Variants in PRKG1 observed in about 807,000 individuals in gnomAD.
The protein encoded by PRKG1 is cGMP-dependent protein kinase 1.
Under a neutral mutation model 88.1 loss-of-function variants are expected in PRKG1, and 35 were observed. The observed-to-expected ratio is 0.40, with a 90% CI of 0.30 to 0.53. The LOEUF (loss-of-function observed/expected upper bound fraction) is 0.53. Among genes scored for constraint, PRKG1 ranks in the 20% least tolerant of loss-of-function variants. The pLI, the probability that PRKG1 is intolerant of heterozygous loss-of-function variation, is 0.59. For missense variants in PRKG1, 540 were observed against 839.8 expected (o/e 0.64, Z 4.41); for synonymous variants, 303 against 292.5 (o/e 1.04, Z -0.37).
intron 2 of PRKG1, among the ~76,000 whole-genome samples, chr10:51,458,024 A>AT (rs1030070407): frequency 6.6e-6 from 1 of 152,052 alleles, no homozygotes; most frequent in South Asian, 2.1e-4. Context: ...GATGTTTAGT[A>AT]TTTTTTGCAG....
intron 8 of PRKG1, among the ~76,000 whole-genome samples, chr10:52,157,125 TA>T (rs1247552755): frequency 6.6e-6 from 1 of 150,958 alleles, no homozygotes; most frequent in East Asian, 1.9e-4. Context: ...ATTCTATTTT[TA>T]AAATGTTTAT....
At chr10:52,230,099 T>G (rs1589717726) in intron 9 of PRKG1, among the ~76,000 whole-genome samples, 2 of 152,234 alleles carry the variant, frequency 1.3e-5, no homozygotes, top group African/African-American at 4.8e-5. Context: ...AAACACCAAT[T>G]AGAACATTTC....
Position 51,054,596 on chromosome 10 carries a change from G to A in PRKG1, c.266+62952G>A, listed in dbSNP as rs1589125440. Among the ~76,000 whole-genome samples the A allele has an allele frequency of 3.3e-5, 5 of 152,254 alleles. No individual in the cohort carries two copies. The South Asian group carries it at 1.0e-3, about 32-fold the overall frequency. ...CCTTAGGGGGGTCAAATCCTGAGAAGAAAATGGTGTGACAGATTACCAAAG... is the reference window on the plus strand; with the variant it reads ...CCTTAGGGGGGTCAAATCCTGAGAAAAAAATGGTGTGACAGATTACCAAAG... On this transcript the variant is annotated intron_variant, in intron 1 of 17. Coordinates refer to the PRKG1 transcript ENST00000401604.
rs573763280 is a variant in PRKG1 at position 52,290,779 on chromosome 10, C to G, written c.1962+489C>G. Among the ~76,000 whole-genome samples, 3 of 152,106 alleles carry G rather than the reference C, an allele frequency of 2.0e-5. No homozygotes were observed. In the South Asian group the frequency reaches 6.2e-4, roughly 32 times the overall value. On this transcript the variant is annotated intron_variant, in intron 17 of 17. Coordinates refer to ENST00000373980, the MANE Select transcript of PRKG1 (RefSeq NM_006258.4). ...TCTGGAGCAGGAGGATCACTTGAGC[C>G]CAGGAATTTGAGCTTACAGTGAGCT...
chr10:51,169,012 C>T (rs764465684), intron 2 of PRKG1, among the ~76,000 whole-genome samples: 4 of 152,052 alleles, frequency 2.6e-5, no homozygotes, highest in Non-Finnish European at 4.4e-5. Context: ...GAGTTAGCGT[C>T]GCAGAACATT....
At chr10:51,947,245 G>T (rs188550683) in intron 5 of PRKG1, among the ~76,000 whole-genome samples, 1 of 151,432 alleles carries the variant, frequency 6.6e-6, no homozygotes, top group South Asian at 2.1e-4. Flanking sequence ...GCGAGACTCC[G>T]TGGGCGTAGG....
chr10:51,704,812 T>C (rs1351210945), intron 3 of PRKG1, among the ~76,000 whole-genome samples: 2 of 152,206 alleles, frequency 1.3e-5, no homozygotes, highest in African/African-American at 2.4e-5. Flanking sequence ...TTCATGAATG[T>C]GAACTTGATG....
chr10:51,506,463 A>G (rs2132051675), intron 3 of PRKG1, among the ~76,000 whole-genome samples: 1 of 151,906 alleles, frequency 6.6e-6, no homozygotes, highest in Middle Eastern at 3.4e-3. Context: ...TTACAAGAAG[A>G]AAACAACCCC....
At chr10:52,173,105 T>C (rs1838755249) in intron 9 of PRKG1, among the ~76,000 whole-genome samples, 1 of 152,240 alleles carries the variant, frequency 6.6e-6, no homozygotes, top group Non-Finnish European at 1.5e-5. Context: ...TCTCTCACTG[T>C]CAACAGAAAA....
chr10:51,323,934 A>C (rs775016186), intron 2 of PRKG1, among the ~76,000 whole-genome samples: 6 of 152,226 alleles, frequency 3.9e-5, no homozygotes, highest in Non-Finnish European at 8.8e-5. Context: ...TCTGGGTGAC[A>C]AAGCAAGTCC....
chr10:51,364,960 AG>A (rs1842559261), intron 2 of PRKG1, among the ~76,000 whole-genome samples: 1 of 151,978 alleles, frequency 6.6e-6, no homozygotes, highest in Non-Finnish European at 1.5e-5. Flanking sequence ...CCATTTACTG[AG>A]TGCCTACTTT....
chr10:51,160,255 C>T (rs962094000), intron 2 of PRKG1, among the ~76,000 whole-genome samples: 6 of 152,218 alleles, frequency 3.9e-5, no homozygotes, highest in Non-Finnish European at 8.8e-5. Flanking sequence ...TAATTTTGCA[C>T]GTATTCTTCT....
At chr10:52,258,700 G>T (rs1841363971) in intron 10 of PRKG1, among the ~76,000 whole-genome samples, 1 of 152,024 alleles carries the variant, frequency 6.6e-6, no homozygotes, top group Non-Finnish European at 1.5e-5. Context: ...CATGATTCCT[G>T]CCCTCAAGGA....
intron 2 of PRKG1, among the ~76,000 whole-genome samples, chr10:51,163,156 A>G (rs898403669): frequency 6.6e-6 from 1 of 152,150 alleles, no homozygotes; most frequent in Non-Finnish European, 1.5e-5. Flanking sequence ...CAGGAGTGAA[A>G]CTCTGTCTCA....
rs555400470 is a variant in PRKG1, at chr10:51,568,950, G to A, written c.592+101114G>A. ...GAGGATAGGGAGGTAGTGATGCTGG[G>A]TGTGGGCCGAGTAGACTAGATTATT... On this transcript the variant is annotated intron_variant, in intron 3 of 17. Coordinates refer to ENST00000373980, the MANE Select transcript of PRKG1 (RefSeq NM_006258.4). Among the ~76,000 whole-genome samples the A allele has an allele frequency of 1.1e-4, 16 of 152,124 alleles. No individual in the cohort carries two copies. In the East Asian group the frequency reaches 2.9e-3, roughly 28 times the overall value.
At chr10:51,873,457 C>G (rs1841209493) in intron 4 of PRKG1, among the ~76,000 whole-genome samples, 1 of 151,762 alleles carries the variant, frequency 6.6e-6, no homozygotes, top group African/African-American at 2.4e-5. Context: ...TATTTATCCA[C>G]CTGTCTATCT....
chr10:51,101,098 C>A (rs1844669911), intron 1 of PRKG1, among the ~76,000 whole-genome samples: 1 of 152,048 alleles, frequency 6.6e-6, no homozygotes, highest in African/African-American at 2.4e-5. Context: ...GTTTCTACCC[C>A]ACACGAGAAT....
chr10:52,292,480 T>C (rs1415780586), intron 17 of PRKG1, among the ~76,000 whole-genome samples: 1 of 152,004 alleles, frequency 6.6e-6, no homozygotes, highest in African/African-American at 2.4e-5. Flanking sequence ...TTTCTACATA[T>C]GGCTAGCCAG....
intron 1 of PRKG1, among the ~76,000 whole-genome samples, chr10:51,024,740 A>G (rs968411612): frequency 1.3e-5 from 2 of 152,138 alleles, no homozygotes; most frequent in Admixed American, 6.6e-5. Flanking sequence ...CACTTCTTAC[A>G]TAGCCAGAGC....
Sources: gnomAD v4.1 joint callset for allele counts (sites outside exome capture counted in the v4.1 genomes callset) on GRCh38, gnomAD v4.1.1 for gene constraint, MANE v1.5 for transcripts, NCBI Gene and HGNC (gene_info 2026-07-23, HGNC 2026-07-21) for gene names.